Variants in DLC1 observed in about 807,000 individuals in gnomAD.
DLC1 encodes DLC1 Rho GTPase activating protein.
DLC1 carries 54 observed loss-of-function variants against 140.3 expected under a neutral mutation model. The ratio of observed to expected loss-of-function variants is 0.38; its 90% CI spans 0.31 to 0.48. The LOEUF is 0.48. DLC1 is among the 20% of genes least tolerant of loss of function. DLC1 has a pLI of 0.96. For missense variants in DLC1, 2,536 were observed against 1,907.0 expected, an observed-to-expected ratio of 1.33 and a Z score of -6.14; for synonymous variants, 986 against 728.1, an observed-to-expected ratio of 1.35 and a Z score of -5.70.
Position 13,275,451 on chromosome 8 carries a change from A to G in DLC1, c.1348+29818T>C, listed in dbSNP as rs58156545. On this transcript the variant is annotated intron_variant, in intron 5 of 17. Coordinates refer to ENST00000276297, the MANE Select transcript of DLC1 (RefSeq NM_182643.3). Reference sequence around the variant, plus strand: ...AGAAAACATAGTCTTTGACCCATCCATGTAGACGGCATAGGAACACAGACT... The same window carrying G: ...AGAAAACATAGTCTTTGACCCATCCGTGTAGACGGCATAGGAACACAGACT... Among the ~76,000 whole-genome samples, 1,468 of 152,346 alleles carry G rather than the reference A, an allele frequency of 9.6e-3. 22 individuals carry two copies. Among genetic ancestry groups the G allele is most frequent in the African/African-American group, 0.033 (1,387 of 41,580 alleles).
intron 1 of DLC1, among the ~76,000 whole-genome samples, chr8:13,570,065 A>T (rs1484943538): frequency 6.6e-6 from 1 of 152,192 alleles, no homozygotes; most frequent in East Asian, 1.9e-4. Context: ...CTGTTCAAGT[A>T]ATTCTGTTGA....
chr8:13,559,250 A>G (rs1452943764), intron 1 of DLC1: 1 of 152,268 alleles, frequency 6.6e-6, no homozygotes, highest in Non-Finnish European at 1.5e-5. Context: ...GGCGCAAAGA[A>G]TGAGCTATTC....
chr8:13,490,496 G>C (rs1420123244), intron 2 of DLC1, among the ~76,000 whole-genome samples: 2 of 152,148 alleles, frequency 1.3e-5, no homozygotes, highest in Non-Finnish European at 2.9e-5. Context: ...AGATCCTGTT[G>C]GCACCACTGT....
intron 5 of DLC1, among the ~76,000 whole-genome samples, chr8:13,202,666 T>G (rs1484936623): frequency 1.3e-5 from 2 of 152,122 alleles, no homozygotes; most frequent in Non-Finnish European, 2.9e-5. Flanking sequence ...ACCTTTAATT[T>G]TTTTTTAATT....
At chr8:13,297,725 C>A (rs1832021991) in intron 5 of DLC1, among the ~76,000 whole-genome samples, 1 of 152,078 alleles carries the variant, frequency 6.6e-6, no homozygotes, top group Non-Finnish European at 1.5e-5. Context: ...ATAGAGCAGT[C>A]CTGTTTTAAT....
intron 2 of DLC1, among the ~76,000 whole-genome samples, chr8:13,438,228 C>T (rs896282809): frequency 1.2e-4 from 19 of 152,008 alleles, no homozygotes; most frequent in Admixed American, 9.2e-4. Flanking sequence ...GACTCTAGCA[C>T]GGGTATATTT....
chr8:13,325,269 T>A (rs1268416048), intron 4 of DLC1, among the ~76,000 whole-genome samples: 1 of 152,230 alleles, frequency 6.6e-6, no homozygotes, highest in Non-Finnish European at 1.5e-5. Flanking sequence ...TAATGGGCTT[T>A]TGGTTTTCAG....
chr8:13,276,483 G>C, intron 5 of DLC1: 1 of 1,331,134 alleles, frequency 7.5e-7, no homozygotes, highest in Non-Finnish European at 9.6e-7. Context: ...CCGGCCGCAG[G>C]CTGTCGCCTG....
intron 2 of DLC1, among the ~76,000 whole-genome samples, chr8:13,491,553 C>T (rs1801243285): frequency 1.3e-5 from 2 of 152,252 alleles, no homozygotes; most frequent in African/African-American, 2.4e-5. Context: ...CATCCTTGTC[C>T]ACTCCTCTCT....
chr8:13,226,437 A>G (rs1175748368), intron 5 of DLC1, among the ~76,000 whole-genome samples: 2 of 152,364 alleles, frequency 1.3e-5, no homozygotes, highest in East Asian at 3.9e-4. Context: ...TTTAACATTA[A>G]TAAGTACTGA....
chr8:13,396,482 T>C (rs1371790548), intron 3 of DLC1, among the ~76,000 whole-genome samples: 1 of 152,232 alleles, frequency 6.6e-6, no homozygotes, highest in African/African-American at 2.4e-5. Context: ...ATTGCATTTT[T>C]ACCTTTCACA....
intron 1 of DLC1, among the ~76,000 whole-genome samples, chr8:13,572,058 A>G (rs909426667): frequency 1.3e-5 from 2 of 149,580 alleles, no homozygotes; most frequent in East Asian, 2.0e-4. Context: ...TGAGTTGTCT[A>G]TTTTATTGAG....
intron 5 of DLC1, among the ~76,000 whole-genome samples, chr8:13,231,896 T>G (rs1829062105): frequency 6.6e-6 from 1 of 152,226 alleles, no homozygotes; most frequent in Non-Finnish European, 1.5e-5. Flanking sequence ...AGTGAGTATT[T>G]TTATAGGCCC....
chr8:13,316,733 G>T (rs1671405), intron 4 of DLC1, among the ~76,000 whole-genome samples: 1 of 152,034 alleles, frequency 6.6e-6, no homozygotes, highest in Non-Finnish European at 1.5e-5. Context: ...CTCCTCTCTG[G>T]GTTCTTTACT....
intron 16 of DLC1, among the ~76,000 whole-genome samples, chr8:13,087,902 T>C (rs1359385842): frequency 6.6e-6 from 1 of 152,170 alleles, no homozygotes; most frequent in Admixed American, 6.5e-5. Flanking sequence ...GACAAGAAAA[T>C]CTATCCTAAA....
At chr8:13,105,551 G>T (rs1019034383) in intron 7 of DLC1, among the ~76,000 whole-genome samples, 1 of 151,754 alleles carries the variant, frequency 6.6e-6, no homozygotes, top group Non-Finnish European at 1.5e-5. Flanking sequence ...AAACATGGTG[G>T]CTCTCAAACC....
At chr8:13,456,383 T>G (rs561635219) in intron 2 of DLC1, among the ~76,000 whole-genome samples, 1 of 152,288 alleles carries the variant, frequency 6.6e-6, no homozygotes, top group Admixed American at 6.5e-5. Context: ...AGGAATTATG[T>G]GCTACATTTC....
At chr8:13,361,418 C>A (rs1835219792) in intron 4 of DLC1, among the ~76,000 whole-genome samples, 1 of 143,538 alleles carries the variant, frequency 7.0e-6, no homozygotes, top group Non-Finnish European at 1.6e-5. Context: ...ACATGCTCTG[C>A]TAATTTTTTT....
intron 5 of DLC1, among the ~76,000 whole-genome samples, chr8:13,293,131 G>T (rs1013908606): frequency 1.3e-5 from 2 of 152,224 alleles, no homozygotes; most frequent in South Asian, 4.1e-4. Context: ...TGGGGAGGCT[G>T]AGGCGGGAAG....
Sources: allele counts gnomAD v4.1 joint callset (sites outside exome capture counted in the v4.1 genomes callset), GRCh38; gene constraint gnomAD v4.1.1; transcripts MANE v1.5; gene names NCBI Gene and HGNC (gene_info 2026-07-23, HGNC 2026-07-21).